The following GAB2 variants were observed in gnomAD, a reference collection of about 807,000 sequenced individuals.
GAB2 encodes the protein GRB2 associated binding protein 2.
A neutral mutation model predicts 65.5 loss-of-function variants in GAB2; 26 were observed. The observed-to-expected ratio is 0.40, with a 90% CI of 0.29 to 0.55. GAB2 has a LOEUF of 0.55. GAB2 is among the 20% of genes least tolerant of loss of function. The pLI is 0.53. For synonymous variants in GAB2, 321 were observed against 329.6 expected (o/e 0.97, Z 0.28); for missense variants, 884 against 875.8 (o/e 1.01, Z -0.12).
intron 3 of GAB2, among the ~76,000 whole-genome samples, chr11:78,227,755 G>A (rs1004814731): frequency 2.0e-5 from 3 of 151,882 alleles, no homozygotes; most frequent in East Asian, 1.9e-4. Flanking sequence ...AGCTATGATC[G>A]CACCACTGCA....
At chr11:78,273,917 T>C (rs1289219299) in intron 2 of GAB2, among the ~76,000 whole-genome samples, 5 of 152,162 alleles carry the variant, frequency 3.3e-5, no homozygotes, top group Admixed American at 1.3e-4. Flanking sequence ...CTGCCACTGA[T>C]ATAAGACATG....
chr11:78,417,003 G>A (rs959832644), intron 1 of GAB2, among the ~76,000 whole-genome samples: 1 of 147,424 alleles, frequency 6.8e-6, no homozygotes, highest in Non-Finnish European at 1.5e-5. Context: ...GGACCAAACT[G>A]CAGTGTCACA....
At chr11:78,221,503 C>T (rs151102159) in intron 8 of GAB2, among the ~76,000 whole-genome samples, 174 bp downstream of exon 8, 216 of 152,256 alleles carry the variant, frequency 1.4e-3, no homozygotes, top group African/African-American at 5.1e-3. Flanking sequence ...GATGACAACT[C>T]CTACTGCTTG....
chr11:78,293,158 A>G (rs1306154139), intron 1 of GAB2, among the ~76,000 whole-genome samples: 1 of 152,236 alleles, frequency 6.6e-6, no homozygotes, highest in African/African-American at 2.4e-5. Context: ...CCTCAAATGC[A>G]GATCCCCTAG....
intron 1 of GAB2, among the ~76,000 whole-genome samples, chr11:78,302,063 C>G (rs1867036358): frequency 6.6e-6 from 1 of 152,086 alleles, no homozygotes; most frequent in Non-Finnish European, 1.5e-5. Context: ...GGACTTAAAT[C>G]TAAGACCTGA....
At position 78,266,975 on chromosome 11, in the gene GAB2, A is replaced by G. The variant is rs73494620; in HGVS notation, c.376+13626T>C. Among the ~76,000 whole-genome samples, 454 of 152,328 alleles carry G rather than the reference A, an allele frequency of 3.0e-3. 4 individuals are homozygous for G. The highest frequency in any genetic ancestry group is 0.011 in the African/African-American group (437 of 41,584). ...GAAGAAGCATGTTCTGGGAAAAGAG[A>G]AGCAGATTTTTTTCAGTAATGCAGG... On this transcript the variant is annotated intron_variant, in intron 2 of 9. Coordinates refer to ENST00000361507, the MANE Select transcript of GAB2 (RefSeq NM_080491.3).
At chr11:78,331,692 G>C (rs750692161) in intron 1 of GAB2, among the ~76,000 whole-genome samples, 77 of 152,272 alleles carry the variant, frequency 5.1e-4, no homozygotes, top group Non-Finnish European at 1.0e-3. Flanking sequence ...CTCAGGATAA[G>C]AGGAATAGTG....
At chr11:78,350,571 T>G (rs1173871288) in intron 1 of GAB2, among the ~76,000 whole-genome samples, 1 of 152,232 alleles carries the variant, frequency 6.6e-6, no homozygotes, top group Non-Finnish European at 1.5e-5. Context: ...TGTTACACTA[T>G]AAATTATGAT....
At chr11:78,372,694 A>C (rs977592990) in intron 1 of GAB2, among the ~76,000 whole-genome samples, 1 of 152,190 alleles carries the variant, frequency 6.6e-6, no homozygotes, top group African/African-American at 2.4e-5. Flanking sequence ...AAAAACAGTA[A>C]TTCCAGTCTT....
At position 78,355,127 on chromosome 11, in the gene GAB2, T is replaced by C. The variant is rs138506543; in HGVS notation, c.75+62519A>G. Among the ~76,000 whole-genome samples, 548 of 152,326 alleles carry C rather than the reference T, an allele frequency of 3.6e-3. 5 individuals are homozygous for C. The highest frequency in any genetic ancestry group is 0.012 in the African/African-American group (494 of 41,566). On this transcript the variant is annotated intron_variant, in intron 1 of 9. Transcript: ENST00000361507. ...AGTTAATGCATTAGTGTAATAGAGA[T>C]CCTCCACGGGAATAGGGATTAGGAG...
intron 1 of GAB2, among the ~76,000 whole-genome samples, chr11:78,351,836 C>T (rs1392332366): frequency 6.6e-6 from 1 of 152,094 alleles, no homozygotes; most frequent in East Asian, 1.9e-4. Flanking sequence ...TAATGGGAGT[C>T]TTTAAAGAAT....
At chr11:78,222,039 TACC>T in intron 7 of GAB2, 63 bp downstream of exon 7, 1 of 1,025,282 alleles carries the variant, frequency 9.8e-7, no homozygotes, top group Middle Eastern at 2.2e-4. Flanking sequence ...ACAGGCCAGC[TACC>T]ACATCACTCA....
At chr11:78,288,167 G>A (rs1037929167) in intron 1 of GAB2, among the ~76,000 whole-genome samples, 2 of 151,176 alleles carry the variant, frequency 1.3e-5, no homozygotes, top group Non-Finnish European at 2.9e-5. Flanking sequence ...ATTGCTTGAG[G>A]TCAGGAGTTC....
At chr11:78,277,504 A>C (rs139580347) in intron 2 of GAB2, among the ~76,000 whole-genome samples, 2 of 152,230 alleles carry the variant, frequency 1.3e-5, no homozygotes, top group East Asian at 1.9e-4. Flanking sequence ...GGTGATCAGC[A>C]GCTTTCTGAT....
At chr11:78,348,815 G>T (rs1245341105) in intron 1 of GAB2, among the ~76,000 whole-genome samples, 1 of 152,146 alleles carries the variant, frequency 6.6e-6, no homozygotes, top group Non-Finnish European at 1.5e-5. Context: ...AAACAAGAAA[G>T]AACCCAATGT....
intron 1 of GAB2, among the ~76,000 whole-genome samples, chr11:78,398,919 T>C (rs1591087841): frequency 6.6e-6 from 1 of 152,220 alleles, no homozygotes; most frequent in African/African-American, 2.4e-5. Context: ...TCAACTCGAA[T>C]AGGCTCCTGC....
chr11:78,220,066 C>CATCT (rs953788535), intron 9 of GAB2, among the ~76,000 whole-genome samples: 4 of 152,130 alleles, frequency 2.6e-5, no homozygotes, highest in Non-Finnish European at 5.9e-5. Flanking sequence ...CTCATTTGCC[C>CATCT]ATCTCTACAA....
intron 2 of GAB2, among the ~76,000 whole-genome samples, chr11:78,274,860 G>A (rs753234168): frequency 5.3e-5 from 8 of 152,136 alleles, no homozygotes; most frequent in Non-Finnish European, 1.2e-4. Context: ...TTATATTCCA[G>A]GAGAACAGGG....
At chr11:78,277,751 C>A (rs1866214787) in intron 2 of GAB2, among the ~76,000 whole-genome samples, 1 of 152,202 alleles carries the variant, frequency 6.6e-6, no homozygotes, top group South Asian at 2.1e-4. Context: ...GGGACACAAC[C>A]CCCTGGAAGC....
Sources: allele counts gnomAD v4.1 joint callset (sites outside exome capture counted in the v4.1 genomes callset), GRCh38; gene constraint gnomAD v4.1.1; transcripts MANE v1.5; gene names NCBI Gene and HGNC (gene_info 2026-07-23, HGNC 2026-07-21).